The following EML4 variants were observed in gnomAD, a reference collection of about 807,000 sequenced individuals.
The protein encoded by EML4 is echinoderm microtubule-associated protein-like 4.
In EML4, 72 loss-of-function variants were observed where a neutral mutation model predicts 129.0. The observed-to-expected ratio is 0.56, with a 90% CI of 0.46 to 0.68. The LOEUF (loss-of-function observed/expected upper bound fraction) is 0.68. Ranked by LOEUF, EML4 falls within the 30% of genes least tolerant of loss-of-function variation. EML4 has a pLI of 0.00. For missense variants in EML4, 1,363 were observed against 1,190.6 expected (o/e 1.14, Z -2.13); for synonymous variants, 532 against 405.0 (o/e 1.31, Z -3.77).
Position 42,330,024 on chromosome 2 carries a change from A to G in EML4, c.2763A>G (p.Thr921=). 4 of 1,613,610 alleles carry G rather than the reference A, an allele frequency of 2.5e-6. No individual in the cohort carries two copies. Among genetic ancestry groups the G allele is most frequent in the Non-Finnish European group, 2.5e-6 (3 of 1,179,972 alleles). The change falls in exon 23 of 23, where the codon ACA becomes ACG. Residue 921 remains threonine, a synonymous_variant. Transcript: ENST00000318522. ...AAAGTAGAATAAGCAGTTCTCCCAC[A>G]CTTCTGGAGAACAGCCTGGAACAAA... is the stretch of plus-strand genomic sequence containing the variant. The part of the protein sequence containing the change: ...EEESRISSSP[T]LLENSLEQTV...
intron 1 of EML4, among the ~76,000 whole-genome samples, chr2:42,181,246 T>C (rs1670920782): frequency 6.6e-6 from 1 of 152,184 alleles, no homozygotes; most frequent in Admixed American, 6.5e-5. Context: ...TCATCAGACC[T>C]TCAGTTTATT....
At chr2:42,224,543 C>A (rs2118889) in intron 1 of EML4, among the ~76,000 whole-genome samples, 22,017 of 152,074 alleles carry the variant, frequency 0.14, 1,644 homozygotes, top group East Asian at 0.17. Flanking sequence ...GGTCATCTGT[C>A]TTTATTTCTC....
chr2:42,237,631 A>G (rs1010465589), intron 1 of EML4, among the ~76,000 whole-genome samples: 7 of 152,192 alleles, frequency 4.6e-5, no homozygotes, highest in Non-Finnish European at 5.9e-5. Flanking sequence ...CTGATAGCCT[A>G]CTATTGACCA....
rs112968725 is a variant in EML4 at position 42,321,003 on chromosome 2, G to T, written c.2154+3479G>T. ...AAAGAGTAAACACTTTATCTACCTA[G>T]AAATCGCCAAGAAAATAAATCCTGA... On this transcript the variant is annotated intron_variant, in intron 19 of 22. Coordinates refer to ENST00000318522, the MANE Select transcript of EML4 (RefSeq NM_019063.5). Among the ~76,000 whole-genome samples the T allele has an allele frequency of 7.4e-3, 1,131 of 152,206 alleles. 10 individuals are homozygous for T. The highest frequency in any genetic ancestry group is 7.7e-3 in the Non-Finnish European group (526 of 67,990).
At chr2:42,174,546 G>T (rs1408304283) in intron 1 of EML4, among the ~76,000 whole-genome samples, 15 of 152,104 alleles carry the variant, frequency 9.9e-5, no homozygotes, top group Admixed American at 6.6e-4. Flanking sequence ...ACGCACCTTG[G>T]CCTCCCAAAG....
chr2:42,319,247 G>C (rs1180892983), intron 19 of EML4, among the ~76,000 whole-genome samples: 1 of 152,136 alleles, frequency 6.6e-6, no homozygotes, highest in Non-Finnish European at 1.5e-5. Flanking sequence ...TAATGCCTCA[G>C]GTTTTTCATT....
At chr2:42,214,545 G>T (rs1673066547) in intron 1 of EML4, among the ~76,000 whole-genome samples, 1 of 151,804 alleles carries the variant, frequency 6.6e-6, no homozygotes. Flanking sequence ...ATCTATTCTG[G>T]TTAAAAAAAC....
In EML4 at chr2:42,303,087, T is replaced by G. The variant is rs369912592; in HGVS notation, c.1642-17T>G. On this transcript the variant is annotated splice_polypyrimidine_tract_variant and intron_variant, in intron 14 of 22. Coordinates refer to ENST00000318522, the MANE Select transcript of EML4 (RefSeq NM_019063.5). ...CATATTAGTATGTATATGGTGACTT[T>G]ACACTTTTTTTTCTAGGTTCCTGAT... 307 of 1,613,032 alleles carry G rather than the reference T, an allele frequency of 1.9e-4. No individual in the cohort carries two copies. Among genetic ancestry groups the G allele is most frequent in the Non-Finnish European group, 2.6e-4 (301 of 1,179,652 alleles).
intron 19 of EML4, among the ~76,000 whole-genome samples, chr2:42,320,818 C>T (rs767664118): frequency 6.6e-6 from 1 of 151,942 alleles, no homozygotes; most frequent in Admixed American, 6.6e-5. Context: ...CACTGTTACT[C>T]GAAGATCTTA....
intron 1 of EML4, among the ~76,000 whole-genome samples, chr2:42,201,900 G>A (rs186351733): frequency 6.6e-6 from 1 of 152,266 alleles, no homozygotes; most frequent in East Asian, 1.9e-4. Flanking sequence ...TGGCCAACAT[G>A]GTGAAACCCC....
intron 1 of EML4, among the ~76,000 whole-genome samples, chr2:42,212,157 AT>A (rs771874989): frequency 1.2e-4 from 18 of 152,010 alleles, no homozygotes; most frequent in Non-Finnish European, 2.2e-4. Context: ...CCACTTTCAA[AT>A]TGTATGTAAA....
intron 6 of EML4, among the ~76,000 whole-genome samples, chr2:42,275,103 G>A (rs1043833496): frequency 2.6e-5 from 4 of 152,024 alleles, no homozygotes; most frequent in Admixed American, 6.6e-5. Context: ...AATGTATAAC[G>A]CATATGTAAT....
At chr2:42,297,894 T>C (rs539531216) in intron 13 of EML4, among the ~76,000 whole-genome samples, 1 of 150,888 alleles carries the variant, frequency 6.6e-6, no homozygotes, top group Admixed American at 6.5e-5. Context: ...CTTTTATATA[T>C]TTTTTTCTTG....
At chr2:42,260,701 GA>G (rs907305199) in intron 3 of EML4, among the ~76,000 whole-genome samples, 4 of 151,726 alleles carry the variant, frequency 2.6e-5, no homozygotes, top group African/African-American at 7.3e-5. Context: ...GAAGTATACA[GA>G]AAAAAAACAG....
At chr2:42,246,348 C>T (rs1675400671) in intron 2 of EML4, among the ~76,000 whole-genome samples, 1 of 152,054 alleles carries the variant, frequency 6.6e-6, no homozygotes, top group African/African-American at 2.4e-5. Flanking sequence ...CATTTGATGT[C>T]TCTTACTGAT....
At chr2:42,193,650 CATCT>C (rs924788589) in intron 1 of EML4, among the ~76,000 whole-genome samples, 4 of 151,634 alleles carry the variant, frequency 2.6e-5, no homozygotes, top group Non-Finnish European at 4.4e-5. Flanking sequence ...TCACTTTTGT[CATCT>C]ATCTATTGAG....
chr2:42,290,967 C>T (rs6544535), intron 11 of EML4, among the ~76,000 whole-genome samples: 31,578 of 151,726 alleles, frequency 0.21, 3,467 homozygotes, highest in East Asian at 0.37. Flanking sequence ...TAGGGAATAG[C>T]CACAATTGTA....
At chr2:42,318,073 G>A (rs985771407) in intron 19 of EML4, among the ~76,000 whole-genome samples, 1 of 152,220 alleles carries the variant, frequency 6.6e-6, no homozygotes, top group Non-Finnish European at 1.5e-5. Flanking sequence ...AGTACTGAAT[G>A]TACAGCAGGT....
chr2:42,298,757 C>A (rs1425721722), intron 13 of EML4, among the ~76,000 whole-genome samples: 2 of 151,784 alleles, frequency 1.3e-5, no homozygotes, highest in East Asian at 3.9e-4. Context: ...AGGTTTTTGT[C>A]ATGTTTAGAA....
Sources: allele counts gnomAD v4.1 joint callset (sites outside exome capture counted in the v4.1 genomes callset), GRCh38; gene constraint gnomAD v4.1.1; transcripts MANE v1.5; gene names NCBI Gene and HGNC (gene_info 2026-07-23, HGNC 2026-07-21).